The following NDUFB8 variants were observed in gnomAD, a reference collection of about 807,000 sequenced individuals.
The protein encoded by NDUFB8 is NADH:ubiquinone oxidoreductase subunit B8.
A neutral mutation model predicts 26.0 loss-of-function variants in NDUFB8; 17 were observed. That is an observed-to-expected ratio of 0.65 (90% CI 0.45 to 0.98). The LOEUF is 0.98. Ranked by LOEUF, NDUFB8 falls within the 50% of genes least tolerant of loss-of-function variation. The probability of loss-of-function intolerance (pLI) is 0.00; values close to 1 mark genes in which losing one functional copy is unlikely to be tolerated. For missense variants in NDUFB8, 238 were observed against 255.0 expected (o/e 0.93, Z 0.45); for synonymous variants, 89 against 93.1 (o/e 0.96, Z 0.25).
intron 4 of NDUFB8, among the ~76,000 whole-genome samples, chr10:100,525,663 T>TGTGTGTGTGTG (rs1564657564): frequency 8.9e-6 from 1 of 112,852 alleles, no homozygotes; most frequent in African/African-American, 3.3e-5. Flanking sequence ...TGTGTGTGTG[T>TGTGTGTGTGTG]TAGCATCTAG....
chr10:100,529,710 T>C (rs1342954534), intron 1 of NDUFB8, 57 bp downstream of exon 1: 51 of 1,573,692 alleles, frequency 3.2e-5, no homozygotes, highest in Non-Finnish European at 4.2e-5. Context: ...CCCCTCCCGA[T>C]ACACCAAATT....
chr10:100,529,641 A>G, intron 1 of NDUFB8, 126 bp downstream of exon 1: 1 of 1,538,202 alleles, frequency 6.5e-7, no homozygotes, highest in Non-Finnish European at 8.8e-7. Flanking sequence ...CATTTTCTGG[A>G]TATATCAACG....
intron 4 of NDUFB8, among the ~76,000 whole-genome samples, chr10:100,525,769 C>T (rs1852038696): frequency 2.4e-5 from 3 of 126,058 alleles, no homozygotes; most frequent in African/African-American, 3.6e-5. Context: ...TGTGTGTTAG[C>T]ATCTAGGTAG....
At chr10:100,529,564 C>CTTCA in intron 1 of NDUFB8, 58 bp from the exon 2 acceptor site, 1 of 1,599,332 alleles carries the variant, frequency 6.3e-7, no homozygotes, top group Non-Finnish European at 8.5e-7. Context: ...GCTCCGAAGG[C>CTTCA]TTCAAGTCGC....
chr10:100,529,254 G>A, intron 2 of NDUFB8, 126 bp downstream of exon 2: 1 of 518,886 alleles, frequency 1.9e-6, no homozygotes, highest in Non-Finnish European at 2.6e-6. Context: ...ACAGAGAAAA[G>A]CACCCACTCC....
intron 1 of NDUFB8, 115 bp from the exon 2 acceptor site, chr10:100,529,621 T>C (rs2133714626): frequency 6.4e-7 from 1 of 1,551,348 alleles, no homozygotes; most frequent in Admixed American, 2.0e-5. Flanking sequence ...ATCAGTGCGA[T>C]CCTCCACCCC....
Position 100,529,845 on chromosome 10 carries a change from C to CCGCCATCTT in NDUFB8, c.-3_6dup (p.Ala2_Val3insLysMetAla). 1 of 1,613,838 alleles carries CCGCCATCTT rather than the reference C, an allele frequency of 6.2e-7. No homozygotes were observed. The highest frequency in any genetic ancestry group is 1.3e-5 in the African/African-American group (1 of 75,062). On this transcript the variant is annotated inframe_insertion, in exon 1 of 5. Transcript: ENST00000299166. ...ACTCCCAAGACCCCGGCCCTGGCCA[C>CCGCCATCTT]CGCCATCTTCACCTTCTTCACGTTT...
Position 100,524,056 on chromosome 10 carries a change from T to A in NDUFB8, c.469-127A>T. 6.3e-7 allele frequency: 1 copy of A among 1,582,328 alleles called. No homozygotes were observed. The highest frequency in any genetic ancestry group is 8.6e-7 in the Non-Finnish European group (1 of 1,163,914). On this transcript the variant is annotated intron_variant, in intron 4 of 4. Coordinates refer to ENST00000299166, the MANE Select transcript of NDUFB8 (RefSeq NM_005004.4). This position sits in a 1 kb window ranked among gnomAD's most constrained non-coding sequence, Gnocchi z 4.0. The stretch of plus-strand genomic sequence containing the variant: ...AGCCTCTGGTCAGACCCAGCTGGGC[T>A]AGGAAGGCAGGAACAGCACTCCTCT...
At chr10:100,527,156 C>T in intron 2 of NDUFB8, 82 bp from the exon 3 acceptor site, 2 of 1,155,526 alleles carry the variant, frequency 1.7e-6, no homozygotes, top group Middle Eastern at 2.1e-4. Flanking sequence ...AGATGAGAAA[C>T]AAAGTGACAG....
At chr10:100,529,256 A>T in intron 2 of NDUFB8, 124 bp downstream of exon 2, 1 of 450,774 alleles carries the variant, frequency 2.2e-6, no homozygotes, top group Non-Finnish European at 3.0e-6. Flanking sequence ...AGAGAAAAGC[A>T]CCCACTCCAT....
chr10:100,529,875 TC>T (rs745610166), upstream of NDUFB8: 1 of 1,612,588 alleles, frequency 6.2e-7, no homozygotes, highest in South Asian at 1.1e-5. Context: ...ACGTTTCCCT[TC>T]TGCACATGCG....
chr10:100,529,616 T>G (rs1388509538), intron 1 of NDUFB8, 110 bp from the exon 2 acceptor site: 1 of 1,560,704 alleles, frequency 6.4e-7, no homozygotes, highest in East Asian at 2.3e-5. Context: ...GCAGGATCAG[T>G]GCGATCCTCC....
At position 100,523,772 on chromosome 10, in the gene NDUFB8, T is replaced by C. The variant is rs1351186494; in HGVS notation, c.*65A>G. 4 of 1,451,320 alleles carry C rather than the reference T, an allele frequency of 2.8e-6. No individual in the cohort carries two copies. The East Asian group carries it at 6.8e-5, about 25-fold the overall frequency. The allele number at this position is 1,451,320 out of a possible 1,614,324, so 89.9% of individuals were successfully genotyped here. ...GCACTGAGTTTTATTAGGGATTTCA[T>C]TAAGGTTAAATTTCTAGGAATGAGG... On this transcript the variant is annotated 3_prime_UTR_variant, in exon 5 of 5. Transcript: ENST00000299166.
chr10:100,523,945 C>T lies in NDUFB8; in HGVS notation c.469-16G>A. 1 of 1,614,092 alleles carries T rather than the reference C, an allele frequency of 6.2e-7. No homozygotes were observed. The highest frequency in any genetic ancestry group is 1.1e-5 in the South Asian group (1 of 91,070). On this transcript the variant is annotated splice_polypyrimidine_tract_variant and intron_variant, in intron 4 of 4. Coordinates refer to ENST00000299166, the MANE Select transcript of NDUFB8 (RefSeq NM_005004.4). Reference sequence around the variant, plus strand: ...GCTTTGGTCCCTACAGAAAAAAACACAGGTCAGCAAGAACATACATTCAGT... The same window carrying T: ...GCTTTGGTCCCTACAGAAAAAAACATAGGTCAGCAAGAACATACATTCAGT...
intron 4 of NDUFB8, among the ~76,000 whole-genome samples, chr10:100,525,521 T>C (rs1852028779): frequency 6.6e-6 from 1 of 152,008 alleles, no homozygotes; most frequent in Non-Finnish European, 1.5e-5. Context: ...AGCCTCCCAA[T>C]GTGCCGGGAT....
In NDUFB8 at chr10:100,524,726, G is replaced by A. The variant is rs1429940176; in HGVS notation, c.469-797C>T. 6.6e-6 allele frequency among the ~76,000 whole-genome samples: 1 copy of A among 152,204 alleles called. No homozygotes were observed. The highest frequency in any genetic ancestry group is 1.5e-5 in the Non-Finnish European group (1 of 68,034). On this transcript the variant is annotated intron_variant, in intron 4 of 4. Transcript: ENST00000299166. The surrounding 1 kb of genome is among the most constrained non-coding windows in gnomAD (Gnocchi z 4.0). ...CAACTGCAAACACAGCAGCCTCCCT[G>A]CTTTCAGCTTCTCTCCTTCCAGTAC...
chr10:100,529,668 C>T, intron 1 of NDUFB8, 99 bp downstream of exon 1: 2 of 1,545,510 alleles, frequency 1.3e-6, no homozygotes, highest in South Asian at 2.3e-5. Flanking sequence ...CCACTCCCTA[C>T]CCGGAGGCTG....
rs992872721 is a variant in NDUFB8 at position 100,524,618 on chromosome 10, T to C, written c.469-689A>G. On this transcript the variant is annotated intron_variant, in intron 4 of 4. Coordinates refer to ENST00000299166, the MANE Select transcript of NDUFB8 (RefSeq NM_005004.4). This position sits in a 1 kb window ranked among gnomAD's most constrained non-coding sequence, Gnocchi z 4.0. The stretch of plus-strand genomic sequence containing the variant: ...CCAGCATGGAGCCCCTGGGGCTTGG[T>C]AGGAAGGCTCGTGTCAGTGCACACA... Among the ~76,000 whole-genome samples the C allele has an allele frequency of 6.6e-6, 1 of 152,178 alleles. No homozygotes were observed. The highest frequency in any genetic ancestry group is 1.5e-5 in the Non-Finnish European group (1 of 68,022).
rs1243228211 is a variant in NDUFB8 at position 100,527,068 on chromosome 10, G to T, written c.219C>A (p.Gly73=). The change falls in exon 3 of 5, where the codon GGC becomes GGA. Residue 73 remains glycine, a synonymous_variant. Coordinates refer to ENST00000299166, the MANE Select transcript of NDUFB8 (RefSeq NM_005004.4). ...AGCGGTCAGGGAGCTTCGGGTAGTC[G>T]CCATACCTGAAAGACAGCAAGAACT... is the stretch of plus-strand genomic sequence containing the variant. ...EPYPDDGMGY[G]DYPKLPDRSQ... is the part of the protein sequence containing the mutation. 6.8e-6 allele frequency: 11 copies of T among 1,613,676 alleles called. No homozygotes were observed. Among genetic ancestry groups the T allele is most frequent in the Non-Finnish European group, 9.3e-6 (11 of 1,179,748 alleles).
Sources: allele counts gnomAD v4.1 joint callset (sites outside exome capture counted in the v4.1 genomes callset), GRCh38; gene constraint gnomAD v4.1.1; non-coding constraint Gnocchi (gnomAD v3.1); transcripts MANE v1.5; gene names NCBI Gene and HGNC (gene_info 2026-07-23, HGNC 2026-07-21).